DSCAM: variants seen among roughly 807,000 people sequenced by gnomAD.
The protein encoded by DSCAM is DS cell adhesion molecule.
Under a neutral mutation model 217.7 loss-of-function variants are expected in DSCAM, and 47 were observed. The observed-to-expected ratio is 0.22, with a 90% CI of 0.17 to 0.28. The LOEUF (loss-of-function observed/expected upper bound fraction) is 0.28. DSCAM is among the 10% of genes least tolerant of loss of function. The pLI is 1.00. For synonymous variants in DSCAM, 1,056 were observed against 1,015.3 expected (o/e 1.04, Z -0.76); for missense variants, 2,080 against 2,618.3 (o/e 0.79, Z 4.49).
chr21:40,356,993 G>T (rs1299883480), intron 4 of DSCAM, among the ~76,000 whole-genome samples: 1 of 152,014 alleles, frequency 6.6e-6, no homozygotes, highest in East Asian at 1.9e-4. Flanking sequence ...TTACTTCACT[G>T]GTGTCTTATG....
chr21:40,268,159 T>G (rs112262463), intron 11 of DSCAM, among the ~76,000 whole-genome samples: 5,556 of 152,262 alleles, frequency 0.036, 332 homozygotes, highest in African/African-American at 0.13. Flanking sequence ...CTGCCAGGCA[T>G]TATGTTATAT....
chr21:40,136,851 A>G (rs2090214777), intron 18 of DSCAM, among the ~76,000 whole-genome samples: 1 of 152,308 alleles, frequency 6.6e-6, no homozygotes, highest in Non-Finnish European at 1.5e-5. Flanking sequence ...AGGGAGAAGG[A>G]CAACCTGGCC....
chr21:40,487,708 A>G (rs1420744829), intron 3 of DSCAM, among the ~76,000 whole-genome samples: 4 of 152,142 alleles, frequency 2.6e-5, no homozygotes, highest in South Asian at 4.1e-4. Context: ...ACCAGGGGAG[A>G]GGCAGTGAAG....
At chr21:40,626,925 G>A (rs1328931983) in intron 3 of DSCAM, among the ~76,000 whole-genome samples, 1 of 152,192 alleles carries the variant, frequency 6.6e-6, no homozygotes, top group African/African-American at 2.4e-5. Flanking sequence ...TGATTCATAA[G>A]AAAGCATCTT....
chr21:40,263,266 T>C (rs778110734), intron 11 of DSCAM, among the ~76,000 whole-genome samples: 6 of 152,200 alleles, frequency 3.9e-5, no homozygotes, highest in East Asian at 1.9e-4. Context: ...AATTACTTAA[T>C]GGTTATTTTT....
At chr21:40,084,840 T>G (rs973950690) in intron 23 of DSCAM, among the ~76,000 whole-genome samples, 3 of 152,152 alleles carry the variant, frequency 2.0e-5, no homozygotes, top group Non-Finnish European at 4.4e-5. Context: ...AATTTGAAAT[T>G]CAAGATCAAT....
intron 32 of DSCAM, among the ~76,000 whole-genome samples, chr21:40,021,981 A>G (rs770447852): frequency 4.7e-4 from 71 of 152,358 alleles, no homozygotes; most frequent in Admixed American, 2.6e-4. Flanking sequence ...TTCTCAATCT[A>G]TTCAGACACA....
Position 40,668,859 on chromosome 21 carries a change from G to C in DSCAM, c.508+23951C>G, listed in dbSNP as rs1220967621. On this transcript the variant is annotated intron_variant, in intron 3 of 32. Transcript: ENST00000400454. ...GACTCCACTTCCTTTCAGTAGTATA[G>C]TCCAGTCAAAAGATAGTGATTGGGA... 4.0e-5 allele frequency among the ~76,000 whole-genome samples: 6 copies of C among 150,976 alleles called. No individual in the cohort carries two copies. In the South Asian group the frequency reaches 1.3e-3, roughly 32 times the overall value.
At chr21:40,559,114 CAATAA>C (rs2076695410) in intron 3 of DSCAM, among the ~76,000 whole-genome samples, 1 of 152,002 alleles carries the variant, frequency 6.6e-6, no homozygotes, top group Admixed American at 6.6e-5. Flanking sequence ...CAATCCAATG[CAATAA>C]AATAAAATAA....
At chr21:40,020,728 G>T (rs541631725) in intron 32 of DSCAM, among the ~76,000 whole-genome samples, 1 of 152,146 alleles carries the variant, frequency 6.6e-6, no homozygotes, top group Non-Finnish European at 1.5e-5. Flanking sequence ...CTACCTGCCC[G>T]CACTGCCGGT....
At chr21:40,100,641 T>C (rs1351103950) in intron 20 of DSCAM, among the ~76,000 whole-genome samples, 3 of 151,894 alleles carry the variant, frequency 2.0e-5, no homozygotes, top group Non-Finnish European at 4.4e-5. Flanking sequence ...GAATCTTTTT[T>C]TTTTTTTTTT....
At chr21:40,773,447 CTT>C (rs911278108) in intron 1 of DSCAM, among the ~76,000 whole-genome samples, 9 of 152,312 alleles carry the variant, frequency 5.9e-5, no homozygotes, top group African/African-American at 2.2e-4. Flanking sequence ...TCTCCTCTCT[CTT>C]AGAAGGACAC....
chr21:40,340,564 C>A (rs2074480515), intron 6 of DSCAM, among the ~76,000 whole-genome samples: 1 of 152,120 alleles, frequency 6.6e-6, no homozygotes, highest in Admixed American at 6.5e-5. Context: ...GACATAATTG[C>A]AATCACATGC....
intron 27 of DSCAM, among the ~76,000 whole-genome samples, chr21:40,066,890 C>A (rs1417252348): frequency 2.6e-5 from 4 of 152,172 alleles, no homozygotes; most frequent in Non-Finnish European, 4.4e-5. Context: ...CTTTCTATAA[C>A]CTCAACTAAC....
At chr21:40,022,508 A>G (rs1601235755) in intron 32 of DSCAM, among the ~76,000 whole-genome samples, 1 of 152,354 alleles carries the variant, frequency 6.6e-6, no homozygotes, top group East Asian at 1.9e-4. Context: ...TCAGAATACT[A>G]GTCCACAAGG....
At chr21:40,617,922 A>T (rs1236306455) in intron 3 of DSCAM, among the ~76,000 whole-genome samples, 2 of 152,236 alleles carry the variant, frequency 1.3e-5, no homozygotes, top group South Asian at 2.1e-4. Context: ...TTCCAACGCG[A>T]AGCAGGCAAA....
chr21:40,403,700 C>T (rs2075258280), intron 3 of DSCAM, among the ~76,000 whole-genome samples: 2 of 151,810 alleles, frequency 1.3e-5, no homozygotes. Context: ...CCATAAATTT[C>T]ACCATGAGGC....
At chr21:40,033,479 C>T (rs1462409063) in intron 32 of DSCAM, among the ~76,000 whole-genome samples, 7 of 152,180 alleles carry the variant, frequency 4.6e-5, no homozygotes, top group Middle Eastern at 3.4e-3. Flanking sequence ...GCTTAAAACA[C>T]GGCGCACCAC....
chr21:40,234,495 A>T (rs1163366782), intron 11 of DSCAM, among the ~76,000 whole-genome samples: 2 of 152,218 alleles, frequency 1.3e-5, no homozygotes, highest in African/African-American at 4.8e-5. Flanking sequence ...CATACTTGGT[A>T]ATGTTGAGTC....
Sources: gnomAD v4.1 joint callset for allele counts (sites outside exome capture counted in the v4.1 genomes callset) on GRCh38, gnomAD v4.1.1 for gene constraint, MANE v1.5 for transcripts, NCBI Gene and HGNC (gene_info 2026-07-23, HGNC 2026-07-21) for gene names.